WWOX: variants seen among roughly 807,000 people sequenced by gnomAD.
WWOX encodes WW domain containing oxidoreductase.
Under a neutral mutation model 46.2 loss-of-function variants are expected in WWOX, and 69 were observed. The observed-to-expected ratio is 1.49, with a 90% CI of 1.23 to 1.82. WWOX has a LOEUF of 1.82. Among genes scored for constraint, WWOX ranks in the 40% most tolerant of loss-of-function variants. WWOX has a pLI of 0.00. For synonymous variants in WWOX, 359 were observed against 202.6 expected (o/e 1.77, Z -6.56); for missense variants, 919 against 542.6 (o/e 1.69, Z -6.89).
At chr16:79,126,232 A>G (rs2049751508) in intron 8 of WWOX, among the ~76,000 whole-genome samples, 1 of 152,124 alleles carries the variant, frequency 6.6e-6, no homozygotes, top group Admixed American at 6.5e-5. Context: ...GGGTGCTGGG[A>G]GGACAGAATG....
Position 78,228,333 on chromosome 16 carries a change from T to TTC in WWOX, c.516+64050_516+64051dup, listed in dbSNP as rs199572958. Among the ~76,000 whole-genome samples the TTC allele has an allele frequency of 4.4e-3, 595 of 134,264 alleles. 8 individuals are homozygous for TTC. Among genetic ancestry groups the TTC allele is most frequent in the African/African-American group, 0.016 (550 of 34,826 alleles). 88.1% of individuals were successfully genotyped at this position (134,264 alleles called of 152,430 possible). On this transcript the variant is annotated intron_variant, in intron 5 of 8. Coordinates refer to ENST00000566780, the MANE Select transcript of WWOX (RefSeq NM_016373.4). ...TTTACATGAGTCAATAGGAATCATATTCTCTCTTTTTTTTTTTTTTTTTTT... is the reference window on the plus strand; with the variant it reads ...TTTACATGAGTCAATAGGAATCATATTCTCTCTCTTTTTTTTTTTTTTTTTTT...
intron 8 of WWOX, among the ~76,000 whole-genome samples, chr16:78,668,276 G>T (rs1434556961): frequency 6.6e-6 from 1 of 152,096 alleles, no homozygotes; most frequent in Non-Finnish European, 1.5e-5. Context: ...GCAAGACTTT[G>T]TCTCAAACAA....
At chr16:78,757,560 C>T (rs376808872) in intron 8 of WWOX, among the ~76,000 whole-genome samples, 28 of 152,186 alleles carry the variant, frequency 1.8e-4, no homozygotes, top group African/African-American at 6.5e-4. Context: ...GTTAACTCTT[C>T]TATAAGTGCC....
chr16:78,314,271 G>T (rs1254201330), intron 5 of WWOX, among the ~76,000 whole-genome samples: 1 of 151,488 alleles, frequency 6.6e-6, no homozygotes, highest in Non-Finnish European at 1.5e-5. Context: ...AGCCAGGCAT[G>T]GTGGTGGGCC....
At chr16:78,724,431 G>C (rs138941498) in intron 8 of WWOX, among the ~76,000 whole-genome samples, 181 of 152,080 alleles carry the variant, frequency 1.2e-3, no homozygotes, top group Admixed American at 8.0e-3. Context: ...AAGGTAAATG[G>C]CTTTTAGCAC....
At chr16:78,491,733 T>G (rs2084789895) in intron 8 of WWOX, among the ~76,000 whole-genome samples, 1 of 152,146 alleles carries the variant, frequency 6.6e-6, no homozygotes, top group Non-Finnish European at 1.5e-5. Context: ...AAACTGGAGT[T>G]TATTTGTAAG....
chr16:78,573,631 G>T (rs376264384), intron 8 of WWOX, among the ~76,000 whole-genome samples: 418 of 152,192 alleles, frequency 2.7e-3, no homozygotes, highest in South Asian at 0.011. Flanking sequence ...TCACTAATTT[G>T]TTCATTATTT....
At chr16:78,785,573 A>G (rs557116194) in intron 8 of WWOX, among the ~76,000 whole-genome samples, 35 of 152,356 alleles carry the variant, frequency 2.3e-4, no homozygotes, top group Non-Finnish European at 4.8e-4. Context: ...GAAGAATAGT[A>G]TACACAGTAC....
intron 8 of WWOX, among the ~76,000 whole-genome samples, chr16:79,125,889 G>A (rs183901926): frequency 1.4e-4 from 22 of 152,274 alleles, no homozygotes; most frequent in African/African-American, 5.1e-4. Context: ...TATCGTCGAA[G>A]GCGTGGTTTC....
At chr16:78,827,816 G>T (rs1449380845) in intron 8 of WWOX, among the ~76,000 whole-genome samples, 2 of 152,180 alleles carry the variant, frequency 1.3e-5, no homozygotes, top group Non-Finnish European at 2.9e-5. Context: ...ACTCTAGCCT[G>T]GGCGGCAAGC....
At chr16:78,859,053 T>C (rs191821891) in intron 8 of WWOX, among the ~76,000 whole-genome samples, 1 of 56,566 alleles carries the variant, frequency 1.8e-5, no homozygotes, top group Non-Finnish European at 3.6e-5. Context: ...TATATATGTA[T>C]ATATATATAT....
intron 8 of WWOX, among the ~76,000 whole-genome samples, chr16:78,925,407 A>C (rs1189525732): frequency 6.6e-6 from 1 of 152,158 alleles, no homozygotes; most frequent in Non-Finnish European, 1.5e-5. Context: ...TCTCAGGCAA[A>C]ATATGTCCAC....
At chr16:78,258,033 G>T (rs750442566) in intron 5 of WWOX, among the ~76,000 whole-genome samples, 4 of 152,148 alleles carry the variant, frequency 2.6e-5, no homozygotes, top group Non-Finnish European at 5.9e-5. Context: ...TAAGTATGAT[G>T]TAGGAAAATC....
chr16:78,988,188 C>G (rs1437130537), intron 8 of WWOX, among the ~76,000 whole-genome samples: 1 of 151,684 alleles, frequency 6.6e-6, no homozygotes, highest in Non-Finnish European at 1.5e-5. Context: ...ACTAAAAATA[C>G]AAAAACTTAG....
intron 8 of WWOX, among the ~76,000 whole-genome samples, chr16:78,541,789 G>A (rs925109387): frequency 8.6e-5 from 13 of 152,030 alleles, no homozygotes; most frequent in African/African-American, 3.1e-4. Context: ...CACAGACCTA[G>A]GAACTCAGCA....
At chr16:78,953,495 A>G (rs1172182014) in intron 8 of WWOX, among the ~76,000 whole-genome samples, 1 of 152,148 alleles carries the variant, frequency 6.6e-6, no homozygotes, top group Non-Finnish European at 1.5e-5. Context: ...TTGCTGATTT[A>G]TGGCTACATA....
In WWOX at chr16:78,316,522, T is replaced by C. The variant is rs201616577; in HGVS notation, c.517-70338T>C. 5.9e-5 allele frequency among the ~76,000 whole-genome samples: 9 copies of C among 152,152 alleles called. No individual in the cohort carries two copies. In the East Asian group the frequency reaches 1.7e-3, roughly 30 times the overall value. On this transcript the variant is annotated intron_variant, in intron 5 of 8. Transcript: ENST00000566780. ...TATGCCTGGGTAATTTTGGTATTTT[T>C]AATAGAGATGTGGTTTTGCGGTGTT...
chr16:78,916,662 A>G (rs1007764605), intron 8 of WWOX, among the ~76,000 whole-genome samples: 2 of 152,216 alleles, frequency 1.3e-5, no homozygotes, highest in Admixed American at 6.5e-5. Context: ...GTCTGTTAGT[A>G]AAATTCCATC....
At chr16:78,641,774 C>A (rs2046719209) in intron 8 of WWOX, among the ~76,000 whole-genome samples, 1 of 152,140 alleles carries the variant, frequency 6.6e-6, no homozygotes, top group Admixed American at 6.5e-5. Context: ...GACAGAGCTC[C>A]CCTCCACTCG....
Sources: gnomAD v4.1 joint callset for allele counts (sites outside exome capture counted in the v4.1 genomes callset) on GRCh38, gnomAD v4.1.1 for gene constraint, MANE v1.5 for transcripts, NCBI Gene and HGNC (gene_info 2026-07-23, HGNC 2026-07-21) for gene names.